PDE1A: variants seen among roughly 807,000 people sequenced by gnomAD.
PDE1A encodes the protein phosphodiesterase 1A.
In PDE1A, 35 loss-of-function variants were observed where a neutral mutation model predicts 61.7. The ratio of observed to expected loss-of-function variants is 0.57; its 90% CI spans 0.43 to 0.75. The LOEUF (loss-of-function observed/expected upper bound fraction) is 0.75, where lower values mean the gene tolerates loss of function less well. Ranked by LOEUF, PDE1A falls within the 30% of genes least tolerant of loss-of-function variation. The pLI is 0.00. For synonymous variants in PDE1A, 232 were observed against 213.2 expected, an observed-to-expected ratio of 1.09 and a Z score of -0.77; for missense variants, 597 against 630.6, an observed-to-expected ratio of 0.95 and a Z score of 0.57.
chr2:182,414,843 C>T (rs548609378), intron 1 of PDE1A, among the ~76,000 whole-genome samples: 10 of 152,198 alleles, frequency 6.6e-5, no homozygotes, highest in South Asian at 2.1e-4. Context: ...AGATTAAACA[C>T]ACGGATCAAA....
At chr2:182,268,325 G>A (rs1326652818) in intron 1 of PDE1A, among the ~76,000 whole-genome samples, 2 of 151,922 alleles carry the variant, frequency 1.3e-5, no homozygotes, top group Non-Finnish European at 2.9e-5. Flanking sequence ...AATGATTATT[G>A]GGTATCTATT....
the PDE1A span, among the ~76,000 whole-genome samples, chr2:182,644,261 C>CTGTGTGTGTG: frequency 5.0e-4 from 34 of 68,320 alleles, no homozygotes; most frequent in Admixed American, 4.0e-3. Flanking sequence ...AGTCTTAAGA[C>CTGTGTGTGTG]TCTGTGTGTG....
intron 1 of PDE1A, among the ~76,000 whole-genome samples, chr2:182,405,295 T>C (rs1559427872): frequency 6.6e-6 from 1 of 152,210 alleles, no homozygotes; most frequent in Non-Finnish European, 1.5e-5. Context: ...CTCTTCTACT[T>C]TCTCTGGGGT....
the PDE1A span, among the ~76,000 whole-genome samples, chr2:182,609,544 G>A: frequency 6.6e-6 from 1 of 152,198 alleles, no homozygotes; most frequent in Non-Finnish European, 1.5e-5. Flanking sequence ...CCCACCAGGA[G>A]GAATGAAAAA....
At chr2:182,252,780 A>G (rs1691497789) in intron 2 of PDE1A, among the ~76,000 whole-genome samples, 1 of 152,182 alleles carries the variant, frequency 6.6e-6, no homozygotes, top group African/African-American at 2.4e-5. Flanking sequence ...CCCTGTGTGG[A>G]ACTGACTAAT....
the PDE1A span, among the ~76,000 whole-genome samples, chr2:182,573,511 T>C: frequency 4.6e-5 from 7 of 151,974 alleles, no homozygotes. Context: ...GGACAGAATC[T>C]AAAGGGACGC....
At chr2:182,548,340 G>A in the PDE1A span, among the ~76,000 whole-genome samples, 1 of 152,046 alleles carries the variant, frequency 6.6e-6, no homozygotes, top group East Asian at 1.9e-4. Context: ...CAAAACAACG[G>A]CAAGCTTGAT....
At chr2:182,344,155 A>G (rs1698371392) in intron 1 of PDE1A, among the ~76,000 whole-genome samples, 1 of 152,178 alleles carries the variant, frequency 6.6e-6, no homozygotes, top group African/African-American at 2.4e-5. Flanking sequence ...TACAGGCATG[A>G]GAAATGAAGC....
At chr2:182,660,721 G>A in the PDE1A span, among the ~76,000 whole-genome samples, 1 of 152,140 alleles carries the variant, frequency 6.6e-6, no homozygotes, top group Non-Finnish European at 1.5e-5. Context: ...AAGAAAACAT[G>A]GACATCGGTC....
chr2:182,621,304 T>C, the PDE1A span, among the ~76,000 whole-genome samples: 1 of 152,222 alleles, frequency 6.6e-6, no homozygotes, highest in Non-Finnish European at 1.5e-5. Flanking sequence ...CTATCTGCAG[T>C]TGACACTCCC....
At chr2:182,619,474 C>G in the PDE1A span, among the ~76,000 whole-genome samples, 1 of 152,010 alleles carries the variant, frequency 6.6e-6, no homozygotes, top group Non-Finnish European at 1.5e-5. Flanking sequence ...CAAACCATGG[C>G]AGCAGAGCAA....
the PDE1A span, among the ~76,000 whole-genome samples, chr2:182,566,159 C>G: frequency 6.6e-6 from 1 of 152,004 alleles, no homozygotes; most frequent in Admixed American, 6.6e-5. Flanking sequence ...TTAATTCTCT[C>G]TCATCTACAA....
chr2:182,505,472 C>G (rs996781925), intron 2 of PDE1A, among the ~76,000 whole-genome samples: 3 of 152,130 alleles, frequency 2.0e-5, no homozygotes, highest in Admixed American at 2.0e-4. Flanking sequence ...TTCGTAGATG[C>G]TTATTCTGGG....
chr2:182,157,163 C>T (rs527597620), intron 13 of PDE1A, among the ~76,000 whole-genome samples: 50 of 151,724 alleles, frequency 3.3e-4, no homozygotes, highest in Admixed American at 1.4e-3. Context: ...TACAGGCACA[C>T]GCCACCACGT....
intron 2 of PDE1A, among the ~76,000 whole-genome samples, chr2:182,519,592 A>G (rs1401635580): frequency 6.6e-6 from 1 of 151,980 alleles, no homozygotes; most frequent in African/African-American, 2.4e-5. Context: ...GACAATTTAG[A>G]AGAAGCTCAA....
rs182261050 is a variant in PDE1A at position 182,257,934 on chromosome 2, G to A, written c.167+6367C>T. 1.0e-3 allele frequency among the ~76,000 whole-genome samples: 156 copies of A among 152,242 alleles called. 1 individual carries two copies. The highest frequency in any genetic ancestry group is 7.7e-4 in the East Asian group (4 of 5,172). ...TGTAATCCCAGCACTTTGGGGGGCC[G>A]AGGCGGGCAGATCACGAGGTCAGGA... is the stretch of plus-strand genomic sequence containing the variant. On this transcript the variant is annotated intron_variant, in intron 2 of 13. Coordinates refer to ENST00000351439, the Ensembl canonical transcript of PDE1A.
At chr2:182,568,924 T>C in the PDE1A span, among the ~76,000 whole-genome samples, 37 of 152,216 alleles carry the variant, frequency 2.4e-4, no homozygotes, top group Admixed American at 5.9e-4. Flanking sequence ...TCTTGCCAAG[T>C]TGCAAATTGA....
At chr2:182,373,939 A>G (rs1700255941) in intron 1 of PDE1A, among the ~76,000 whole-genome samples, 1 of 152,184 alleles carries the variant, frequency 6.6e-6, no homozygotes, top group African/African-American at 2.4e-5. Context: ...AAAGGGACTA[A>G]AAAGATATGC....
the PDE1A span, among the ~76,000 whole-genome samples, chr2:182,686,484 C>T: frequency 1.3e-5 from 2 of 152,120 alleles, no homozygotes; most frequent in African/African-American, 4.8e-5. Context: ...CATTTTGCAT[C>T]CATTTTTGGT....
Sources: gnomAD v4.1 joint callset for allele counts (sites outside exome capture counted in the v4.1 genomes callset) on GRCh38, gnomAD v4.1.1 for gene constraint, MANE v1.5 for transcripts, NCBI Gene and HGNC (gene_info 2026-07-23, HGNC 2026-07-21) for gene names.